ABCA4: variants seen among roughly 807,000 people sequenced by gnomAD.
The protein encoded by ABCA4 is ATP binding cassette subfamily A member 4, also known as retinal-specific phospholipid-transporting ATPase ABCA4.
Under a neutral mutation model 263.7 loss-of-function variants are expected in ABCA4, and 196 were observed. The ratio of observed to expected loss-of-function variants is 0.74; its 90% CI spans 0.66 to 0.84. ABCA4 has a LOEUF of 0.84. Ranked by LOEUF, ABCA4 falls within the 40% of genes least tolerant of loss-of-function variation. The pLI, the probability that ABCA4 is intolerant of heterozygous loss-of-function variation, is 0.00. For missense variants in ABCA4, 2,792 were observed against 2,855.1 expected (o/e 0.98, Z 0.50); for synonymous variants, 1,133 against 1,094.2 (o/e 1.04, Z -0.70).
chr1:94,094,582 G>A (rs896759291), intron 6 of ABCA4, among the ~76,000 whole-genome samples: 1 of 152,184 alleles, frequency 6.6e-6, no homozygotes, highest in Non-Finnish European at 1.5e-5. Flanking sequence ...TTTAGGAGGG[G>A]GAAGGGAGGG....
intron 6 of ABCA4, among the ~76,000 whole-genome samples, chr1:94,093,801 G>A (rs1046655909): frequency 6.6e-6 from 1 of 152,162 alleles, no homozygotes; most frequent in Non-Finnish European, 1.5e-5. Flanking sequence ...TTTCTTCTTT[G>A]TTGAAATCCA....
chr1:94,059,654 A>G (rs1192548874), intron 14 of ABCA4: 1 of 152,294 alleles, frequency 6.6e-6, no homozygotes, highest in Admixed American at 6.5e-5. Context: ...GTGGTACAGC[A>G]CTTCCTATCA....
rs61752425 is a variant in ABCA4, at chr1:94,037,150, C to A, written c.3808G>T (p.Glu1270Ter). Reference sequence around the variant, plus strand: ...AGCTGGAATCTCTACTTTACCTCTTCCAGGGGAGTGTCAGAAATTCCAAAA... The same window carrying A: ...AGCTGGAATCTCTACTTTACCTCTTACAGGGGAGTGTCAGAAATTCCAAAA... ...SSFGISDTPL[E>*]EIFLKVTEDS... The change falls in exon 25 of 50, where the codon GAA becomes TAA. Residue 1270 changes from glutamate to a stop codon, truncating the protein, a stop_gained. Coordinates refer to ENST00000370225, the MANE Select transcript of ABCA4 (RefSeq NM_000350.3). LOFTEE classifies it high-confidence loss of function. 6.2e-7 allele frequency: 1 copy of A among 1,614,082 alleles called. No individual in the cohort carries two copies. The highest frequency in any genetic ancestry group is 8.5e-7 in the Non-Finnish European group (1 of 1,179,948).
chr1:94,014,560 A>T lies in ABCA4; in HGVS notation c.5443T>A (p.Leu1815Ile). The T allele has an allele frequency of 6.2e-7, 1 of 1,614,238 alleles. No homozygotes were observed. Among genetic ancestry groups the T allele is most frequent in the African/African-American group, 1.3e-5 (1 of 75,056 alleles). ...NSSAITFILE[L>I]FENNRTLLRF... ...ATGCTCACCCGGTTATTCTCAAATAATTCCAAGATGAAGGTAATAGCACTG... is the reference window on the plus strand; with the variant it reads ...ATGCTCACCCGGTTATTCTCAAATATTTCCAAGATGAAGGTAATAGCACTG... The change falls in exon 38 of 50, where the codon TTA (leucine) becomes ATA (isoleucine). Residue 1815 changes from leucine (L) to isoleucine (I), a missense_variant. Transcript: ENST00000370225.
At position 94,078,539 on chromosome 1, in the gene ABCA4, C is replaced by T. The variant is rs369275375; in HGVS notation, c.1356+51G>A. 67 of 1,102,540 alleles carry T rather than the reference C, an allele frequency of 6.1e-5. 1 individual carries two copies. The East Asian group carries it at 6.2e-4, about 10-fold the overall frequency. The allele number at this position is 1,102,540 out of a possible 1,614,324, so 68.3% of individuals were successfully genotyped here. On this transcript the variant is annotated intron_variant, in intron 10 of 49. Transcript: ENST00000370225. ...AAAGGAAACAAGTGGAACTTTCTTG[C>T]CCCCACCGCTTCCTCCTCCCCTCCC...
rs190162870 is a variant in ABCA4, at chr1:94,081,048, C to T, written c.859-330G>A. 5.9e-3 allele frequency among the ~76,000 whole-genome samples: 899 copies of T among 152,138 alleles called. 11 individuals carry two copies. The highest frequency in any genetic ancestry group is 0.046 in the East Asian group (238 of 5,168). On this transcript the variant is annotated intron_variant, in intron 7 of 49. Transcript: ENST00000370225. ...GACCATCCTGGCGAACATGGTGAAACCCCGTCTCTATTAAAAATACAAAAA... is the reference window on the plus strand; with the variant it reads ...GACCATCCTGGCGAACATGGTGAAATCCCGTCTCTATTAAAAATACAAAAA...
chr1:93,996,252 C>T, intron 48 of ABCA4, 57 bp from the exon 49 acceptor site: 2 of 1,273,866 alleles, frequency 1.6e-6, no homozygotes, highest in Non-Finnish European at 2.3e-6. Context: ...CAGCACCCTA[C>T]ACCCACCTAC....
At chr1:94,094,221 C>T (rs1401966982) in intron 6 of ABCA4, among the ~76,000 whole-genome samples, 1 of 152,168 alleles carries the variant, frequency 6.6e-6, no homozygotes, top group East Asian at 1.9e-4. Flanking sequence ...CAACCAATGA[C>T]CCAGGAGAGC....
At chr1:94,031,151 A>G in intron 27 of ABCA4, 31 bp from the exon 28 acceptor site, 2 of 1,613,492 alleles carry the variant, frequency 1.2e-6, no homozygotes, top group Non-Finnish European at 1.7e-6. Flanking sequence ...AATAAACATG[A>G]CTGTGGCATG....
chr1:94,054,068 G>A (rs1484347391), intron 16 of ABCA4, among the ~76,000 whole-genome samples: 1 of 152,216 alleles, frequency 6.6e-6, no homozygotes, highest in East Asian at 1.9e-4. Context: ...AGAGGAAGAT[G>A]GGGCAGCTCT....
At chr1:94,040,551 A>C (rs1053430721) in intron 23 of ABCA4, among the ~76,000 whole-genome samples, 63 of 152,210 alleles carry the variant, frequency 4.1e-4, no homozygotes, top group Admixed American at 4.1e-3. Flanking sequence ...GCCTGTTCTT[A>C]AGAAGCCCAG....
intron 19 of ABCA4, 74 bp downstream of exon 19, chr1:94,046,844 GC>G (rs922828945): frequency 3.2e-6 from 5 of 1,562,986 alleles, no homozygotes; most frequent in Non-Finnish European, 4.4e-6. Context: ...AGAGTAGACA[GC>G]CGCTGATAGG....
intron 35 of ABCA4, 143 bp downstream of exon 35, chr1:94,021,097 T>A: frequency 8.7e-7 from 1 of 1,153,618 alleles, no homozygotes; most frequent in East Asian, 2.3e-5. Context: ...GGCACTTATT[T>A]GAAAGTCGGA....
chr1:94,060,651 C>T lies in ABCA4; in HGVS notation c.2046G>A (p.Leu682=), dbSNP rs573049914. Residue 682 remains leucine, a synonymous_variant, in exon 14 of 50, where the codon CTG becomes CTA. Coordinates refer to ENST00000370225, the MANE Select transcript of ABCA4 (RefSeq NM_000350.3). ...KSIVLEKELR[L]KETLKNQGVS... ...CACCCTGATTTTTCAAGGTCTCCTTCAGTCGCAACTCCTTCTCCAAGACGA... is the reference window on the plus strand; with the variant it reads ...CACCCTGATTTTTCAAGGTCTCCTTTAGTCGCAACTCCTTCTCCAAGACGA... 6 of 1,614,142 alleles carry T rather than the reference C, an allele frequency of 3.7e-6. No individual in the cohort carries two copies. Among genetic ancestry groups the T allele is most frequent in the African/African-American group, 1.3e-5 (1 of 75,030 alleles).
chr1:94,062,469 G>A, intron 13 of ABCA4, 108 bp downstream of exon 13: 3 of 1,381,262 alleles, frequency 2.2e-6, no homozygotes, highest in Non-Finnish European at 3.0e-6. Flanking sequence ...GGTCCCTGGG[G>A]CTCTCTCTAA....
At chr1:94,002,131 C>T in intron 44 of ABCA4, 139 bp from the exon 45 acceptor site, 9 of 1,338,144 alleles carry the variant, frequency 6.7e-6, no homozygotes, top group East Asian at 2.4e-5. Flanking sequence ...CCTGCTGGCT[C>T]CTGTCCTCTG....
intron 45 of ABCA4, 65 bp downstream of exon 45, chr1:94,001,793 T>C (rs760191906): frequency 1.2e-6 from 2 of 1,612,544 alleles, no homozygotes; most frequent in South Asian, 2.2e-5. Flanking sequence ...CCAGAACCTA[T>C]TTCCCCAACC....
At chr1:94,008,904 G>T in intron 40 of ABCA4, 33 bp from the exon 41 acceptor site, 1 of 1,607,948 alleles carries the variant, frequency 6.2e-7, no homozygotes, top group East Asian at 2.2e-5. Flanking sequence ...GATTGGGCTG[G>T]CTGTACAGTG....
At chr1:94,035,058 A>C (rs1394525775) in intron 26 of ABCA4, among the ~76,000 whole-genome samples, 5 of 151,940 alleles carry the variant, frequency 3.3e-5, no homozygotes, top group Non-Finnish European at 7.4e-5. Context: ...GGTCGGCCTC[A>C]CTCCAGAGGC....
Sources: allele counts gnomAD v4.1 joint callset (sites outside exome capture counted in the v4.1 genomes callset), GRCh38; gene constraint gnomAD v4.1.1; transcripts MANE v1.5; gene names NCBI Gene and HGNC (gene_info 2026-07-23, HGNC 2026-07-21).